Variants in ZFYVE21 observed in about 807,000 individuals in gnomAD.
ZFYVE21 encodes the protein zinc finger FYVE-type containing 21, also known as zinc finger FYVE domain-containing protein 21.
In ZFYVE21, 21 loss-of-function variants were observed where a neutral mutation model predicts 29.5. The ratio of observed to expected loss-of-function variants is 0.71; its 90% CI spans 0.50 to 1.02. The LOEUF is 1.02. Ranked by LOEUF, ZFYVE21 falls within the 50% of genes least tolerant of loss-of-function variation. ZFYVE21 has a pLI of 0.00. For missense variants in ZFYVE21, 326 were observed against 335.4 expected (o/e 0.97, Z 0.22); for synonymous variants, 151 against 133.8 (o/e 1.13, Z -0.89).
At chr14:103,718,622 ACT>A (rs2083847705) in intron 1 of ZFYVE21, among the ~76,000 whole-genome samples, 1 of 151,678 alleles carries the variant, frequency 6.6e-6, no homozygotes, top group Non-Finnish European at 1.5e-5. Flanking sequence ...GGCTTGTCTG[ACT>A]CTGCCATCAA....
intron 1 of ZFYVE21, chr14:103,725,179 G>T (rs1183333274): frequency 6.6e-6 from 1 of 152,402 alleles, no homozygotes; most frequent in South Asian, 2.1e-4. Context: ...CGCTCGTGCC[G>T]GCGTCAGGGT....
At chr14:103,729,301 T>G (rs868645517) in intron 5 of ZFYVE21, 119 bp downstream of exon 5, 1 of 949,630 alleles carries the variant, frequency 1.1e-6, no homozygotes, top group African/African-American at 1.6e-5. Flanking sequence ...CTGCTGGGTT[T>G]CCAGGACAAT....
chr14:103,732,911 T>C (rs1275462340), intron 6 of ZFYVE21, 72 bp from the exon 7 acceptor site: 2 of 1,611,506 alleles, frequency 1.2e-6, no homozygotes, highest in Non-Finnish European at 1.7e-6. Context: ...TCCCCTGAAA[T>C]GCACACAGGC....
chr14:103,732,446 T>C (rs767931166), intron 5 of ZFYVE21, 174 bp from the exon 6 acceptor site: 3 of 706,312 alleles, frequency 4.2e-6, no homozygotes, highest in Non-Finnish European at 6.3e-6. Flanking sequence ...GGGTCTCCCC[T>C]CAGAGGCCTG....
intron 1 of ZFYVE21, among the ~76,000 whole-genome samples, chr14:103,721,910 G>A (rs535727509): frequency 1.2e-3 from 187 of 152,334 alleles, no homozygotes; most frequent in African/African-American, 4.3e-3. Flanking sequence ...GGGATGTGAC[G>A]CAGAGGCTGG....
intron 2 of ZFYVE21, 35 bp downstream of exon 2, chr14:103,726,877 G>T: frequency 6.2e-7 from 1 of 1,611,930 alleles, no homozygotes. Flanking sequence ...GTGGTGGGAA[G>T]AGGGGAGGGG....
At chr14:103,719,558 C>T (rs1043409139) in intron 1 of ZFYVE21, among the ~76,000 whole-genome samples, 2 of 151,306 alleles carry the variant, frequency 1.3e-5, no homozygotes, top group Admixed American at 1.3e-4. Context: ...TTTGGAGGGC[C>T]TTGCTGCAGG....
At chr14:103,727,955 G>C in intron 3 of ZFYVE21, 41 bp downstream of exon 3, 1 of 1,567,628 alleles carries the variant, frequency 6.4e-7, no homozygotes, top group Non-Finnish European at 8.7e-7. Flanking sequence ...CGCTCCGCCA[G>C]CCGGCTCCTC....
Position 103,715,841 on chromosome 14 carries a change from C to G in ZFYVE21, c.-1C>G. The G allele has an allele frequency of 7.1e-7, 1 of 1,403,590 alleles. No homozygotes were observed. The highest frequency in any genetic ancestry group is 1.4e-5 in the South Asian group (1 of 72,942). 86.9% of individuals were successfully genotyped at this position (1,403,590 alleles called of 1,614,324 possible). ...GCTGGCCGAGAGGCTGAGGCGGCGT[C>G]ATGTCCTCCGAGGTGTCCGCGCGCC... On this transcript the variant is annotated 5_prime_UTR_variant, in exon 1 of 7. Coordinates refer to ENST00000311141, the MANE Select transcript of ZFYVE21 (RefSeq NM_024071.4).
At chr14:103,729,846 GGTCAGCCTCTTC>G (rs1406862746) in intron 5 of ZFYVE21, 4 of 1,536,038 alleles carry the variant, frequency 2.6e-6, no homozygotes, top group Non-Finnish European at 3.5e-6. Context: ...TGCCTCTGAA[GGTCAGCCTCTTC>G]CTCCTCACCG....
intron 1 of ZFYVE21, among the ~76,000 whole-genome samples, chr14:103,721,354 C>G (rs761901180): frequency 6.6e-6 from 1 of 152,246 alleles, no homozygotes; most frequent in Non-Finnish European, 1.5e-5. Flanking sequence ...ATGCACCTGC[C>G]CTGATCCTCG....
At chr14:103,727,577 G>C in intron 2 of ZFYVE21, 169 bp from the exon 3 acceptor site, 1 of 816,548 alleles carries the variant, frequency 1.2e-6, no homozygotes, top group South Asian at 1.4e-5. Flanking sequence ...GATCCCCGCT[G>C]CGTGGTGGGG....
At chr14:103,728,419 C>T (rs1030394848) in intron 3 of ZFYVE21, among the ~76,000 whole-genome samples, 2 of 152,156 alleles carry the variant, frequency 1.3e-5, no homozygotes, top group African/African-American at 2.4e-5. Context: ...TGGCCACTGC[C>T]GTCCCAGCCT....
intron 1 of ZFYVE21, chr14:103,725,991 C>G (rs909619200): frequency 2.6e-5 from 4 of 152,300 alleles, no homozygotes; most frequent in African/African-American, 9.6e-5. Flanking sequence ...TTCTGTCTAC[C>G]TTTGTACATT....
At chr14:103,729,520 CA>C (rs1567071716) in intron 5 of ZFYVE21, 1 of 579,096 alleles carries the variant, frequency 1.7e-6, no homozygotes, top group Non-Finnish European at 3.0e-6. Context: ...CTGAGATCCC[CA>C]AAAAGGTCTG....
At chr14:103,726,530 C>T (rs563921455) in intron 1 of ZFYVE21, 2 of 468,858 alleles carry the variant, frequency 4.3e-6, no homozygotes, top group Non-Finnish European at 7.7e-6. Flanking sequence ...GACAGTCAAA[C>T]CCCAAGCCCA....
intron 1 of ZFYVE21, among the ~76,000 whole-genome samples, chr14:103,718,537 G>A (rs572929639): frequency 4.6e-5 from 7 of 152,324 alleles, no homozygotes; most frequent in Admixed American, 2.0e-4. Context: ...CAGAGGCGGC[G>A]TGTAAAGCTT....
In ZFYVE21 at chr14:103,733,083, G is replaced by A. The variant is rs1228127268; in HGVS notation, c.*65G>A. 28 of 1,597,514 alleles carry A rather than the reference G, an allele frequency of 1.8e-5. No homozygotes were observed. The highest frequency in any genetic ancestry group is 2.2e-5 in the South Asian group (2 of 90,688). ...GGACTGAGTCGCTTGGAACAGCAGA[G>A]CCTGCTCCTTGCGTACCACAGGGAT... is the stretch of plus-strand genomic sequence containing the variant. On this transcript the variant is annotated 3_prime_UTR_variant, in exon 7 of 7. Coordinates refer to ENST00000311141, the MANE Select transcript of ZFYVE21 (RefSeq NM_024071.4).
Position 103,728,066 on chromosome 14 carries a change from A to G in ZFYVE21, c.358+152A>G, listed in dbSNP as rs1467237235. 6 of 842,116 alleles carry G rather than the reference A, an allele frequency of 7.1e-6. No homozygotes were observed. In the East Asian group the frequency reaches 1.7e-4, roughly 24 times the overall value. The allele number at this position is 842,116 out of a possible 1,614,324, so 52.2% of individuals were successfully genotyped here. On this transcript the variant is annotated intron_variant, in intron 3 of 6. Coordinates refer to ENST00000311141, the MANE Select transcript of ZFYVE21 (RefSeq NM_024071.4). ...CCGTTTTCTTCTGGATTCGTTTAGA[A>G]GCGGTTATAGAGCCTTCCCTTCTTT...
Sources: allele counts gnomAD v4.1 joint callset (sites outside exome capture counted in the v4.1 genomes callset), GRCh38; gene constraint gnomAD v4.1.1; transcripts MANE v1.5; gene names NCBI Gene and HGNC (gene_info 2026-07-23, HGNC 2026-07-21).